The following GNL3L variants were observed in gnomAD, a reference collection of about 807,000 sequenced individuals.
GNL3L encodes guanine nucleotide-binding protein-like 3-like protein.
GNL3L carries 4 observed loss-of-function variants against 42.9 expected under a neutral mutation model. That is an observed-to-expected ratio of 0.09 (90% CI 0.05 to 0.21). The LOEUF (loss-of-function observed/expected upper bound fraction) is 0.21. GNL3L is among the 10% of genes least tolerant of loss of function. GNL3L has a pLI of 1.00. For synonymous variants in GNL3L, 159 were observed against 176.3 expected (o/e 0.90, Z 0.78); for missense variants, 412 against 481.7 (o/e 0.86, Z 1.36).
At chrX:54,574,867 G>A (rs765157711) in intron 16 of GNL3L, among the ~76,000 whole-genome samples, 1 of 111,697 alleles carries the variant, frequency 9.0e-6, no homozygotes, top group East Asian at 2.8e-4. Context: ...GAATGTATTT[G>A]TATTTTTCAA....
At chrX:54,598,300 G>A (rs1306228533) in intron 16 of GNL3L, among the ~76,000 whole-genome samples, 2 of 111,360 alleles carry the variant, frequency 1.8e-5, no homozygotes, top group African/African-American at 6.5e-5. Flanking sequence ...ATTTAGGAAA[G>A]CGCAAAGTCA....
At chrX:54,569,040 T>C (rs1416131197), downstream of GNL3L, among the ~76,000 whole-genome samples, 1 of 112,426 alleles carries the variant, frequency 8.9e-6, no homozygotes, top group African/African-American at 3.2e-5. Flanking sequence ...CCTTTAACCA[T>C]GTAAAGTAAC....
chrX:54,555,007 T>C (rs1266367699), intron 14 of GNL3L, among the ~76,000 whole-genome samples: 1 of 109,615 alleles, frequency 9.1e-6, no homozygotes, highest in Non-Finnish European at 1.9e-5. Context: ...TTTTATTTTA[T>C]TTTTTATTTT....
chrX:54,571,420 C>CTCCT (rs1181627298), downstream of GNL3L, among the ~76,000 whole-genome samples: 1 of 108,011 alleles, frequency 9.3e-6, no homozygotes, highest in Non-Finnish European at 1.9e-5. Flanking sequence ...TGGTCTCGAT[C>CTCCT]TCCTGACCTC....
At chrX:54,630,751 C>T in the GNL3L span, among the ~76,000 whole-genome samples, 46 of 38,265 alleles carry the variant, frequency 1.2e-3, no homozygotes, top group Admixed American at 3.0e-3. Flanking sequence ...TCTTTCTTTC[C>T]CTTTCTTTCC....
At chrX:54,635,812 G>A in the GNL3L span, among the ~76,000 whole-genome samples, 1 of 110,056 alleles carries the variant, frequency 9.1e-6, no homozygotes, top group East Asian at 2.8e-4. Context: ...TTTGTTCTAG[G>A]GCATTTTTTT....
the GNL3L span, among the ~76,000 whole-genome samples, chrX:54,639,553 G>C: frequency 7.1e-5 from 8 of 112,320 alleles, no homozygotes; most frequent in Non-Finnish European, 1.5e-4. Flanking sequence ...TCGGAAGTGA[G>C]TGGGACAATG....
At chrX:54,554,840 T>C in intron 14 of GNL3L, 148 bp downstream of exon 14, 1 of 479,970 alleles carries the variant, frequency 2.1e-6, no homozygotes, top group Non-Finnish European at 3.5e-6. Context: ...TAGTATATCC[T>C]TTACCAAGCA....
intron 16 of GNL3L, among the ~76,000 whole-genome samples, chrX:54,617,849 A>C (rs936928120): frequency 1.8e-5 from 2 of 111,523 alleles, no homozygotes; most frequent in Non-Finnish European, 3.8e-5. Context: ...CGGACCTGTA[A>C]GAAATACGTT....
chrX:54,629,324 G>A, the GNL3L span, among the ~76,000 whole-genome samples: 1 of 111,504 alleles, frequency 9.0e-6, no homozygotes, highest in Admixed American at 9.6e-5. Context: ...GTGAAAGTGA[G>A]CATCCTTGCC....
intron 14 of GNL3L, among the ~76,000 whole-genome samples, chrX:54,555,668 A>G (rs1443512394): frequency 3.4e-4 from 21 of 61,555 alleles, no homozygotes; most frequent in African/African-American, 1.4e-3. Flanking sequence ...TTTTGTAGAG[A>G]TGGGGTTTCA....
downstream of GNL3L, among the ~76,000 whole-genome samples, chrX:54,572,109 A>T (rs1276803694): frequency 1.8e-5 from 2 of 108,817 alleles, no homozygotes; most frequent in African/African-American, 6.7e-5. Context: ...CAGATAAACA[A>T]GTGAACAAAG....
the GNL3L span, among the ~76,000 whole-genome samples, chrX:54,629,238 A>G: frequency 9.0e-6 from 1 of 110,598 alleles, no homozygotes; most frequent in Non-Finnish European, 1.9e-5. Flanking sequence ...CTTTTTATCA[A>G]TTTGGATGTC....
intron 3 of GNL3L, 73 bp downstream of exon 3, chrX:54,539,174 G>A: frequency 1.8e-6 from 1 of 549,063 alleles, no homozygotes; most frequent in East Asian, 3.6e-5. Flanking sequence ...ACTAAACCCA[G>A]TAAATATTGG....
chrX:54,621,872 C>T (rs1418405509), downstream of GNL3L, among the ~76,000 whole-genome samples: 2 of 111,829 alleles, frequency 1.8e-5, no homozygotes, highest in African/African-American at 6.5e-5. Flanking sequence ...CAGTTTTCAT[C>T]ACATGCACAC....
Position 54,539,035 on chromosome X carries a change from T to C in GNL3L, c.20-5T>C, listed in dbSNP as rs371179754. ...GCTCTTTTCTTTCTTTTTTTTCTTTTGTAGAAAATAAAAAGCCAGGTGAAG... is the reference window on the plus strand; with the variant it reads ...GCTCTTTTCTTTCTTTTTTTTCTTTCGTAGAAAATAAAAAGCCAGGTGAAG... On this transcript the variant is annotated splice_polypyrimidine_tract_variant and splice_region_variant and intron_variant, in intron 2 of 15. Transcript: ENST00000360845. 6 of 1,111,389 alleles carry C rather than the reference T, an allele frequency of 5.4e-6. No homozygotes were observed. The highest frequency in any genetic ancestry group is 7.3e-6 in the Non-Finnish European group (6 of 816,407). The allele number at this position is 1,111,389 out of a possible 1,213,427, so 91.6% of individuals were successfully genotyped here.
chrX:54,538,937 G>C, intron 2 of GNL3L, 103 bp from the exon 3 acceptor site: 1 of 486,160 alleles, frequency 2.1e-6, no homozygotes, highest in Non-Finnish European at 3.4e-6. Context: ...GGTATCTGAG[G>C]CTTCCTAGCT....
At chrX:54,623,547 G>A (rs765496462), downstream of GNL3L, among the ~76,000 whole-genome samples, 12 of 112,032 alleles carry the variant, frequency 1.1e-4, no homozygotes, top group South Asian at 3.7e-4. Context: ...ACAGGCGCGC[G>A]CCACTGTGCC....
chrX:54,622,483 C>T (rs1926301446), downstream of GNL3L, among the ~76,000 whole-genome samples: 1 of 108,093 alleles, frequency 9.3e-6, no homozygotes, highest in African/African-American at 3.4e-5. Flanking sequence ...TGGGGTTTCA[C>T]TATGTTGGCC....
Sources: gnomAD v4.1 joint callset for allele counts (sites outside exome capture counted in the v4.1 genomes callset) on GRCh38, gnomAD v4.1.1 for gene constraint, MANE v1.5 for transcripts, NCBI Gene and HGNC (gene_info 2026-07-23, HGNC 2026-07-21) for gene names.